SLC6A16: variants seen among roughly 807,000 people sequenced by gnomAD.
SLC6A16 encodes the protein solute carrier family 6 member 16, also known as orphan sodium- and chloride-dependent neurotransmitter transporter NTT5.
In SLC6A16, 54 loss-of-function variants were observed where a neutral mutation model predicts 65.4. That is an observed-to-expected ratio of 0.83 (90% CI 0.66 to 1.04). SLC6A16 has a LOEUF of 1.04. Ranked by LOEUF, SLC6A16 falls within the 50% of genes least tolerant of loss-of-function variation. SLC6A16 has a pLI of 0.00. For missense variants in SLC6A16, 816 were observed against 914.0 expected (o/e 0.89, Z 1.38); for synonymous variants, 330 against 346.5 (o/e 0.95, Z 0.53).
the SLC6A16 span, chr19:49,337,029 GCCTGGTGAGTGCACCATC>G: frequency 6.2e-7 from 1 of 1,613,338 alleles, no homozygotes; most frequent in Non-Finnish European, 8.5e-7. Context: ...TGCCTCCTGG[GCCTGGTGAGTGCACCATC>G]CCTCTCCGTC....
chr19:49,291,154 A>C (rs1461358699), intron 10 of SLC6A16, among the ~76,000 whole-genome samples: 1 of 152,148 alleles, frequency 6.6e-6, no homozygotes. Context: ...TATCTAGTTT[A>C]TTTCAGCCAC....
At chr19:49,306,918 A>G (rs1970400529) in intron 7 of SLC6A16, among the ~76,000 whole-genome samples, 1 of 151,962 alleles carries the variant, frequency 6.6e-6, no homozygotes, top group Admixed American at 6.6e-5. Context: ...GACTTTTATG[A>G]TGGTTACCTC....
chr19:49,290,556 G>C, intron 11 of SLC6A16, 49 bp downstream of exon 11: 1 of 1,600,566 alleles, frequency 6.2e-7, no homozygotes, highest in Non-Finnish European at 8.6e-7. Flanking sequence ...TGAATTGAAA[G>C]GTCTGGCCCC....
chr19:49,305,568 G>GGT (rs1197387023), intron 7 of SLC6A16, among the ~76,000 whole-genome samples: 1 of 148,016 alleles, frequency 6.8e-6, no homozygotes, highest in African/African-American at 2.5e-5. Flanking sequence ...CTCCAGCCTG[G>GGT]GTGACAAAAG....
upstream of SLC6A16, among the ~76,000 whole-genome samples, chr19:49,329,511 GGTGGCTTGCACCTGTA>G (rs1409543582): frequency 6.6e-6 from 1 of 152,094 alleles, no homozygotes; most frequent in Non-Finnish European, 1.5e-5. Flanking sequence ...AGCCGGGAGC[GGTGGCTTGCACCTGTA>G]GTCCCAGCAC....
the SLC6A16 span, chr19:49,335,276 A>G: frequency 2.0e-6 from 1 of 501,916 alleles, no homozygotes; most frequent in South Asian, 2.6e-5. This position sits in a 1 kb window ranked among gnomAD's most constrained non-coding sequence, Gnocchi z 4.6. Flanking sequence ...GGTGCCCACA[A>G]ATTCCAAGGC....
chr19:49,338,158 C>T, the SLC6A16 span: 1 of 1,459,188 alleles, frequency 6.9e-7, no homozygotes. The surrounding 1 kb of genome is among the most constrained non-coding windows in gnomAD (Gnocchi z 5.0). Flanking sequence ...CCTCCCAGGC[C>T]CGACGCTCCC....
At chr19:49,318,084 A>G (rs1239547959) in intron 1 of SLC6A16, among the ~76,000 whole-genome samples, 3 of 152,190 alleles carry the variant, frequency 2.0e-5, no homozygotes, top group Admixed American at 2.0e-4. Context: ...ACAGAGAAAG[A>G]GCTCTAGGAA....
Position 49,311,204 on chromosome 19 carries a change from C to A in SLC6A16, c.144G>T (p.Glu48Asp). The A allele has an allele frequency of 6.2e-7, 1 of 1,614,158 alleles. No individual in the cohort carries two copies. Among genetic ancestry groups the A allele is most frequent in the Non-Finnish European group, 8.5e-7 (1 of 1,180,030 alleles). The stretch of plus-strand genomic sequence containing the variant: ...CAACCCGGGCTGCTGAAACTTGGGC[C>A]TCTGAGGTCCAAGATGTTGCAGACC... ...LTRSATSWTS[E>D]AQVSAARVAE... Residue 48 changes from glutamate to aspartate, a missense_variant, in exon 2 of 12, where the codon GAG becomes GAT. Physicochemically the swap from Glu to Asp is conservative, Grantham distance 45. Transcript: ENST00000335875.
chr19:49,309,812 G>A lies in SLC6A16; in HGVS notation c.715C>T (p.Arg239Trp), dbSNP rs141735197. 328 of 1,610,904 alleles carry A rather than the reference G, an allele frequency of 2.0e-4. 1 individual carries two copies. In the Middle Eastern group the frequency reaches 2.7e-3, roughly 13 times the overall value. Residue 239 changes from arginine to tryptophan, a missense_variant, in exon 5 of 12, where the codon CGG (arginine) becomes TGG (tryptophan). By Grantham distance (101) the Arg-to-Trp change is moderately radical. Transcript: ENST00000335875. The part of the protein sequence containing the change: ...NSSGFDPECE[R>W]TTPSIYFWYQ... Reference sequence around the variant, plus strand: ...CAGAAGTATATGGAGGGTGTTGTCCGTTCACATTCAGGATCTGGGGGGACC... The same window carrying A: ...CAGAAGTATATGGAGGGTGTTGTCCATTCACATTCAGGATCTGGGGGGACC...
At chr19:49,296,044 C>G (rs896928370) in intron 7 of SLC6A16, among the ~76,000 whole-genome samples, 4 of 152,098 alleles carry the variant, frequency 2.6e-5, no homozygotes, top group African/African-American at 9.7e-5. Flanking sequence ...GGCTGGAGTG[C>G]ATTGGTGCGA....
intron 1 of SLC6A16, among the ~76,000 whole-genome samples, chr19:49,314,027 C>T (rs150629462): frequency 2.6e-5 from 4 of 151,520 alleles, no homozygotes; most frequent in Non-Finnish European, 2.9e-5. Context: ...ACCTGGGAAG[C>T]GGAGTTTGCA....
At chr19:49,321,967 C>T (rs368469688) in intron 1 of SLC6A16, among the ~76,000 whole-genome samples, 9 of 151,238 alleles carry the variant, frequency 6.0e-5, no homozygotes, top group Non-Finnish European at 7.4e-5. Flanking sequence ...TAGCCATATA[C>T]GAAAAACTCA....
the SLC6A16 span, chr19:49,335,672 T>C: frequency 6.2e-7 from 1 of 1,611,598 alleles, no homozygotes; most frequent in Non-Finnish European, 8.5e-7. This position sits in a 1 kb window ranked among gnomAD's most constrained non-coding sequence, Gnocchi z 4.6. Flanking sequence ...GCCCTCATCT[T>C]CCCCTGTGGC....
chr19:49,340,140 C>CA, the SLC6A16 span: 38 of 1,535,070 alleles, frequency 2.5e-5, no homozygotes, highest in Non-Finnish European at 2.3e-5. Flanking sequence ...TCTCCAGCCC[C>CA]TTCCCGCCCA....
In SLC6A16 at chr19:49,311,266, C is replaced by T; in HGVS notation, c.82G>A (p.Gly28Arg). ...TGTVISDSVP[G>R]SQTWEDKGSL... ...CCCTTGTCTTCCCACGTTTGACTTC[C>T]TGGGACACTGTCAGAAATCACTGTG... Residue 28 changes from glycine (G) to arginine (R), a missense_variant, in exon 2 of 12, where the codon GGA (glycine) becomes AGA (arginine). Physicochemically the swap from Gly to Arg is moderately radical, Grantham distance 125 (BLOSUM62 -2). Transcript: ENST00000335875. 6.2e-7 allele frequency: 1 copy of T among 1,613,708 alleles called. No individual in the cohort carries two copies. Among genetic ancestry groups the T allele is most frequent in the Non-Finnish European group, 8.5e-7 (1 of 1,179,850 alleles).
chr19:49,307,727 AAAAAAAGAAAAAG>A (rs1338883808), intron 7 of SLC6A16, among the ~76,000 whole-genome samples: 2 of 146,522 alleles, frequency 1.4e-5, no homozygotes, highest in Non-Finnish European at 1.5e-5. Context: ...GAGGAAGCAA[AAAAAAAGAAAAAG>A]AAAAAAAAGA....
chr19:49,331,860 G>A, the SLC6A16 span: 1 of 456,320 alleles, frequency 2.2e-6, no homozygotes, highest in Non-Finnish European at 4.4e-6. Context: ...AAGTTGGTGA[G>A]CATCAAAGCT....
At chr19:49,334,033 G>A in the SLC6A16 span, among the ~76,000 whole-genome samples, 3 of 147,980 alleles carry the variant, frequency 2.0e-5, no homozygotes, top group Non-Finnish European at 4.4e-5. Flanking sequence ...ACGGCCCAGC[G>A]CCCTCCCCAC....
Sources: gnomAD v4.1 joint callset for allele counts (sites outside exome capture counted in the v4.1 genomes callset) on GRCh38, gnomAD v4.1.1 for gene constraint, Gnocchi (gnomAD v3.1) non-coding constraint, MANE v1.5 for transcripts, NCBI Gene and HGNC (gene_info 2026-07-23, HGNC 2026-07-21) for gene names.